Variants in ARHGEF9 observed in about 807,000 individuals in gnomAD.
ARHGEF9 encodes the protein rho guanine nucleotide exchange factor 9.
ARHGEF9 carries 2 observed loss-of-function variants against 41.3 expected under a neutral mutation model. The observed-to-expected ratio is 0.05, with a 90% confidence interval of 0.02 to 0.15. The LOEUF is 0.15. ARHGEF9 is among the 10% of genes least tolerant of loss of function. The pLI is 1.00. For missense variants in ARHGEF9, 225 were observed against 424.7 expected (o/e 0.53, Z 4.13); for synonymous variants, 160 against 154.4 (o/e 1.04, Z -0.27).
At chrX:63,646,148 G>C (rs1602195734) in intron 8 of ARHGEF9, among the ~76,000 whole-genome samples, 2 of 111,501 alleles carry the variant, frequency 1.8e-5, no homozygotes, top group Non-Finnish European at 3.8e-5. Context: ...CAGATGAGTA[G>C]ATTGCAAAAA....
intron 7 of ARHGEF9, among the ~76,000 whole-genome samples, chrX:63,661,649 A>C (rs2049226328): frequency 1.8e-5 from 2 of 111,768 alleles, no homozygotes; most frequent in Admixed American, 9.5e-5. Context: ...GACAGCAAAA[A>C]TTAAAGAAGG....
intron 1 of ARHGEF9, among the ~76,000 whole-genome samples, chrX:63,766,306 C>A (rs782726835): frequency 9.0e-6 from 1 of 111,605 alleles, no homozygotes; most frequent in South Asian, 3.8e-4. Flanking sequence ...GAGAAAGGCC[C>A]CATTTGTGTG....
intron 8 of ARHGEF9, among the ~76,000 whole-genome samples, chrX:63,648,321 C>A (rs1556319488): frequency 9.0e-6 from 1 of 111,145 alleles, no homozygotes; most frequent in Admixed American, 9.6e-5. Flanking sequence ...AAATAATTTT[C>A]AACCCAGAAT....
chrX:63,738,928 C>CCGATCCCTTAACCCT (rs2147709344), intron 1 of ARHGEF9, among the ~76,000 whole-genome samples: 1 of 111,193 alleles, frequency 9.0e-6, no homozygotes, highest in African/African-American at 3.3e-5. Context: ...TGACTGAACA[C>CCGATCCCTTAACCCT]GAGAATCTGT....
At chrX:63,654,866 C>T (rs1465885448) in intron 8 of ARHGEF9, among the ~76,000 whole-genome samples, 5 of 111,917 alleles carry the variant, frequency 4.5e-5, no homozygotes, top group African/African-American at 6.5e-5. Flanking sequence ...TAGCCAATGG[C>T]GTCTAAATCC....
intron 1 of ARHGEF9, among the ~76,000 whole-genome samples, chrX:63,780,346 G>A (rs1556461330): frequency 9.0e-6 from 1 of 111,044 alleles, no homozygotes; most frequent in Non-Finnish European, 1.9e-5. Context: ...ATTCCATCTG[G>A]AGAGATGGCC....
chrX:63,748,464 A>G (rs1390215568), intron 1 of ARHGEF9, among the ~76,000 whole-genome samples: 18 of 112,044 alleles, frequency 1.6e-4, no homozygotes, highest in African/African-American at 5.8e-4. Flanking sequence ...TGAAGAAAAA[A>G]TTTTAAAATC....
chrX:63,765,087 G>T (rs2056092750), intron 1 of ARHGEF9, among the ~76,000 whole-genome samples: 1 of 111,479 alleles, frequency 9.0e-6, no homozygotes. Flanking sequence ...AAATGAGATT[G>T]TATCACAGGG....
intron 4 of ARHGEF9, among the ~76,000 whole-genome samples, chrX:63,690,531 T>C (rs1270661204): frequency 9.0e-6 from 1 of 111,174 alleles, no homozygotes; most frequent in Non-Finnish European, 1.9e-5. Flanking sequence ...GACCTTACGG[T>C]TTCACTGCTG....
At position 63,673,955 on chromosome X, in the gene ARHGEF9, C is replaced by T. The variant is rs1398568308; in HGVS notation, c.945+83G>A. On this transcript the variant is annotated intron_variant, in intron 6 of 9. Transcript: ENST00000671741. ...TACTGTTGCTCTTCAAATGTAATTT[C>T]TCTTCACCTGTCCTTAGCTAAGATG... 4.4e-6 allele frequency: 5 copies of T among 1,125,401 alleles called. No homozygotes were observed. The Admixed American group carries it at 1.1e-4, about 25-fold the overall frequency. The allele number at this position is 1,125,401 out of a possible 1,213,427, so 92.7% of individuals were successfully genotyped here.
chrX:63,712,683 A>C (rs2053020002), intron 2 of ARHGEF9, among the ~76,000 whole-genome samples: 1 of 111,953 alleles, frequency 8.9e-6, no homozygotes, highest in Admixed American at 9.5e-5. Flanking sequence ...TAAACTGTAT[A>C]CTTTAAAATG....
chrX:63,717,345 T>C (rs1173122565), intron 2 of ARHGEF9, among the ~76,000 whole-genome samples: 1 of 112,095 alleles, frequency 8.9e-6, no homozygotes, highest in Non-Finnish European at 1.9e-5. Flanking sequence ...TTAGTTGTAA[T>C]ATCATTCCTA....
intron 1 of ARHGEF9, among the ~76,000 whole-genome samples, chrX:63,761,859 C>A (rs782791705): frequency 3.6e-5 from 4 of 111,856 alleles, no homozygotes; most frequent in Non-Finnish European, 7.5e-5. Flanking sequence ...TATTTTAGGC[C>A]TCTTTCAGTT....
rs35995120 is a variant in ARHGEF9 at position 63,644,167 on chromosome X, C to CA, written c.1322-120dup. ...AAGACATATAAAAAATCTTGAAATA[C>CA]AAAAAAAAAAAAAATCATTCCCTTT... On this transcript the variant is annotated intron_variant, in intron 8 of 9. Transcript: ENST00000671741. 16,978 of 343,722 alleles carry CA rather than the reference C, an allele frequency of 0.049. 95 individuals are homozygous for CA. The highest frequency in any genetic ancestry group is 0.07 in the African/African-American group (2,304 of 32,801). 28.3% of individuals were successfully genotyped at this position (343,722 alleles called of 1,213,427 possible). A position where few individuals can be genotyped will look rare whatever the true frequency, so the allele number is the denominator to read the frequency against.
chrX:63,664,205 T>C (rs1304292602), intron 7 of ARHGEF9, among the ~76,000 whole-genome samples: 1 of 112,537 alleles, frequency 8.9e-6, no homozygotes, highest in Non-Finnish European at 1.9e-5. Flanking sequence ...TTACTCCATC[T>C]TGGTCTTCCA....
chrX:63,769,590 A>G (rs2056169777), intron 1 of ARHGEF9, among the ~76,000 whole-genome samples: 1 of 111,893 alleles, frequency 8.9e-6, no homozygotes, highest in Non-Finnish European at 1.9e-5. Context: ...CCCATCATAG[A>G]CATAGAGGTT....
At chrX:63,648,901 C>G (rs1246201142) in intron 8 of ARHGEF9, among the ~76,000 whole-genome samples, 1 of 111,797 alleles carries the variant, frequency 8.9e-6, no homozygotes, top group Non-Finnish European at 1.9e-5. Flanking sequence ...GAAGAGCTAA[C>G]TCTCCTAAAT....
intron 4 of ARHGEF9, among the ~76,000 whole-genome samples, chrX:63,692,277 AGAAT>A (rs1309347452): frequency 8.9e-6 from 1 of 112,342 alleles, no homozygotes; most frequent in Non-Finnish European, 1.9e-5. Flanking sequence ...AACAACATAC[AGAAT>A]GAGAGAAAAT....
At position 63,712,537 on chromosome X, in the gene ARHGEF9, T is replaced by C. The variant is rs1207079348; in HGVS notation, c.211-6088A>G. Among the ~76,000 whole-genome samples the C allele has an allele frequency of 2.7e-5, 3 of 111,621 alleles. No homozygotes were observed. The East Asian group carries it at 8.4e-4, about 31-fold the overall frequency. ...TATGTTAATCATTCCACAATATGTG[T>C]ATACATATATATATATCAAAACATT... On this transcript the variant is annotated intron_variant, in intron 2 of 9. Coordinates refer to ENST00000671741, the MANE Select transcript of ARHGEF9 (RefSeq NM_001353921.2).
Sources: gnomAD v4.1 joint callset for allele counts (sites outside exome capture counted in the v4.1 genomes callset) on GRCh38, gnomAD v4.1.1 for gene constraint, MANE v1.5 for transcripts, NCBI Gene and HGNC (gene_info 2026-07-23, HGNC 2026-07-21) for gene names.